PDE4D: variants seen among roughly 807,000 people sequenced by gnomAD.
PDE4D encodes 3',5'-cyclic-AMP phosphodiesterase 4D.
A neutral mutation model predicts 87.4 loss-of-function variants in PDE4D; 24 were observed. The ratio of observed to expected loss-of-function variants is 0.27; its 90% CI spans 0.20 to 0.39. The LOEUF (loss-of-function observed/expected upper bound fraction) is 0.39. Ranked by LOEUF, PDE4D falls within the 10% of genes least tolerant of loss-of-function variation. The pLI, the probability that PDE4D is intolerant of heterozygous loss-of-function variation, is 1.00. For missense variants in PDE4D, 714 were observed against 1,041.0 expected, an observed-to-expected ratio of 0.69 and a Z score of 4.32; for synonymous variants, 384 against 383.2, an observed-to-expected ratio of 1.00 and a Z score of -0.02.
At chr5:59,012,965 A>T (rs1261460136) in intron 6 of PDE4D, among the ~76,000 whole-genome samples, 1 of 152,134 alleles carries the variant, frequency 6.6e-6, no homozygotes. Context: ...CTCAGACCAC[A>T]GTGCAAAGTA....
chr5:59,715,756 C>G (rs889560889), intron 1 of PDE4D, among the ~76,000 whole-genome samples: 1 of 152,210 alleles, frequency 6.6e-6, no homozygotes, highest in Non-Finnish European at 1.5e-5. Flanking sequence ...CCTGTTGTTG[C>G]ATGCCCCAAT....
intron 1 of PDE4D, among the ~76,000 whole-genome samples, chr5:59,476,344 T>C (rs1803295244): frequency 6.6e-6 from 1 of 152,120 alleles, no homozygotes; most frequent in Admixed American, 6.6e-5. Context: ...ATAGATGTGT[T>C]CACTTTGCAG....
At chr5:60,273,207 A>T (rs2149728241) in intron 1 of PDE4D, among the ~76,000 whole-genome samples, 1 of 152,220 alleles carries the variant, frequency 6.6e-6, no homozygotes, top group Admixed American at 6.5e-5. Context: ...CCCTTGAGAG[A>T]GGCAGGGTCA....
intron 1 of PDE4D, among the ~76,000 whole-genome samples, chr5:59,550,715 T>TTC (rs1554023933): frequency 6.6e-6 from 1 of 151,602 alleles, no homozygotes; most frequent in Non-Finnish European, 1.5e-5. Context: ...TTTTTTTTTT[T>TTC]GAGACAGAGT....
intron 2 of PDE4D, among the ~76,000 whole-genome samples, chr5:60,185,040 C>T (rs1053519474): frequency 6.6e-6 from 1 of 151,894 alleles, no homozygotes; most frequent in Non-Finnish European, 1.5e-5. Flanking sequence ...TAAGGTTTAA[C>T]CTTCAGTAGA....
chr5:59,130,404 C>T (rs769780247), intron 5 of PDE4D, among the ~76,000 whole-genome samples: 3 of 152,112 alleles, frequency 2.0e-5, no homozygotes, highest in African/African-American at 2.4e-5. Context: ...CACGGCATCT[C>T]GTAAAGCACA....
intron 1 of PDE4D, among the ~76,000 whole-genome samples, chr5:59,452,687 G>C (rs1025761669): frequency 3.3e-5 from 5 of 152,194 alleles, no homozygotes; most frequent in Non-Finnish European, 5.9e-5. Flanking sequence ...GAAGTCTTGA[G>C]ACCACAGCCT....
At chr5:59,490,332 C>A (rs982346065) in intron 1 of PDE4D, among the ~76,000 whole-genome samples, 3 of 152,098 alleles carry the variant, frequency 2.0e-5, no homozygotes, top group African/African-American at 4.8e-5. Context: ...TTCAGGTGAC[C>A]ATAGCAAATA....
intron 5 of PDE4D, among the ~76,000 whole-genome samples, chr5:59,168,846 A>T (rs1232352856): frequency 2.0e-5 from 3 of 152,088 alleles, no homozygotes; most frequent in Non-Finnish European, 2.9e-5. Flanking sequence ...GTACTTTGTA[A>T]TTTTCTACCT....
At chr5:60,061,025 C>G (rs968482316) in intron 2 of PDE4D, among the ~76,000 whole-genome samples, 1 of 152,086 alleles carries the variant, frequency 6.6e-6, no homozygotes, top group African/African-American at 2.4e-5. Flanking sequence ...TGGCCCAAGA[C>G]AAGGATGCCC....
chr5:60,047,304 CT>C, intron 2 of PDE4D, among the ~76,000 whole-genome samples: 1 of 148,626 alleles, frequency 6.7e-6, no homozygotes, highest in South Asian at 2.1e-4. Context: ...TTTGTTGATC[CT>C]TTCAAAAAAC....
intron 1 of PDE4D, among the ~76,000 whole-genome samples, chr5:59,739,910 C>G (rs965349569): frequency 1.3e-5 from 2 of 152,126 alleles, no homozygotes; most frequent in Non-Finnish European, 2.9e-5. Context: ...TATGAAATAA[C>G]ATAAATATAA....
At chr5:60,351,543 G>A (rs1759193216) in intron 1 of PDE4D, among the ~76,000 whole-genome samples, 2 of 152,104 alleles carry the variant, frequency 1.3e-5, no homozygotes, top group East Asian at 1.9e-4. Context: ...GAGAATGTGA[G>A]CCATGTGCTT....
At chr5:59,723,917 G>C (rs183418532) in intron 1 of PDE4D, among the ~76,000 whole-genome samples, 2 of 152,128 alleles carry the variant, frequency 1.3e-5, no homozygotes, top group African/African-American at 2.4e-5. Context: ...TCCAGGTTAT[G>C]GAGCATTCAT....
At chr5:59,021,756 G>T (rs1755185509) in intron 6 of PDE4D, among the ~76,000 whole-genome samples, 1 of 152,106 alleles carries the variant, frequency 6.6e-6, no homozygotes, top group Non-Finnish European at 1.5e-5. Flanking sequence ...GAATTTAGGA[G>T]ATTTAAAATG....
At chr5:60,311,165 T>C (rs185786138) in intron 1 of PDE4D, among the ~76,000 whole-genome samples, 202 of 151,974 alleles carry the variant, frequency 1.3e-3, no homozygotes, top group African/African-American at 4.8e-3. Context: ...TACAGGCATG[T>C]GCCACCACGC....
rs765973137 is a variant in PDE4D at position 58,991,825 on chromosome 5, AT to A, written c.1188+6del. 6.8e-7 allele frequency: 1 copy of A among 1,462,712 alleles called. No homozygotes were observed. Among genetic ancestry groups the A allele is most frequent in the South Asian group, 1.6e-5 (1 of 62,728 alleles). The allele number at this position is 1,462,712 out of a possible 1,614,324, so 90.6% of individuals were successfully genotyped here. On this transcript the variant is annotated splice_donor_region_variant and intron_variant, in intron 8 of 14. Transcript: ENST00000340635. Reference sequence around the variant, plus strand: ...ATTTATGATCCTGATCTTTGAAATCATCATACCTTGGCAAGGACATCTTCTT... The same window carrying A: ...ATTTATGATCCTGATCTTTGAAATCACATACCTTGGCAAGGACATCTTCTT...
intron 3 of PDE4D, among the ~76,000 whole-genome samples, chr5:59,915,529 A>G (rs906926866): frequency 6.6e-6 from 1 of 152,156 alleles, no homozygotes; most frequent in Non-Finnish European, 1.5e-5. Flanking sequence ...GGAAAGGAAA[A>G]TGGTTTGCCT....
intron 3 of PDE4D, among the ~76,000 whole-genome samples, chr5:59,965,249 GTTAATTCCTCAAC>G (rs1561919121): frequency 6.6e-6 from 1 of 151,992 alleles, no homozygotes; most frequent in East Asian, 1.9e-4. Flanking sequence ...CAACCATGCT[GTTAATTCCTCAAC>G]TTAAAAAAAA....
Sources: gnomAD v4.1 joint callset for allele counts (sites outside exome capture counted in the v4.1 genomes callset) on GRCh38, gnomAD v4.1.1 for gene constraint, MANE v1.5 for transcripts, NCBI Gene and HGNC (gene_info 2026-07-23, HGNC 2026-07-21) for gene names.